Variants in SAR1A observed in about 807,000 individuals in gnomAD.
The protein encoded by SAR1A is secretion associated Ras related GTPase 1A.
SAR1A carries 6 observed loss-of-function variants against 22.6 expected under a neutral mutation model. The observed-to-expected ratio is 0.27, with a 90% CI of 0.15 to 0.52. SAR1A has a LOEUF of 0.52. Among genes scored for constraint, SAR1A ranks in the 20% least tolerant of loss-of-function variants. SAR1A has a pLI of 0.96. For synonymous variants in SAR1A, 70 were observed against 82.2 expected, an observed-to-expected ratio of 0.85 and a Z score of 0.80; for missense variants, 145 against 245.1, an observed-to-expected ratio of 0.59 and a Z score of 2.73.
chr10:70,157,176 G>A (rs566131920), intron 5 of SAR1A, among the ~76,000 whole-genome samples: 2 of 152,162 alleles, frequency 1.3e-5, no homozygotes, highest in African/African-American at 4.8e-5. Flanking sequence ...AGGCCAAGGC[G>A]GGTGGATCAT....
chr10:70,148,540 G>A lies in SAR1A; in HGVS notation c.*3936C>T, dbSNP rs1005945743. 2.6e-5 allele frequency: 4 copies of A among 152,214 alleles called. No individual in the cohort carries two copies. The highest frequency in any genetic ancestry group is 9.6e-5 in the African/African-American group (4 of 41,452). The allele number at this position is 152,214 out of a possible 1,614,324, so 9.4% of individuals were successfully genotyped here. On this transcript the variant is annotated 3_prime_UTR_variant, in exon 7 of 7. Transcript: ENST00000373241. The stretch of plus-strand genomic sequence containing the variant: ...ACAGGGGCTCACACTTGGAATCCCA[G>A]CACGTTGGGAGGCTGAGGTAGGAGA...
chr10:70,165,292 T>C (rs1281235759), intron 1 of SAR1A, among the ~76,000 whole-genome samples: 2 of 148,960 alleles, frequency 1.3e-5, no homozygotes, highest in Admixed American at 6.7e-5. Flanking sequence ...AAAAGAAATA[T>C]ATTTCACAAA....
intron 4 of SAR1A, among the ~76,000 whole-genome samples, chr10:70,158,313 T>C (rs1293602396): frequency 6.6e-6 from 1 of 152,226 alleles, no homozygotes; most frequent in Non-Finnish European, 1.5e-5. Context: ...AACATCAGGA[T>C]ACAAATTACT....
At chr10:70,169,018 G>A (rs1039987848) in intron 1 of SAR1A, among the ~76,000 whole-genome samples, 1 of 152,112 alleles carries the variant, frequency 6.6e-6, no homozygotes, top group African/African-American at 2.4e-5. Context: ...CAACTCATCA[G>A]TAGTTTTACA....
intron 1 of SAR1A, among the ~76,000 whole-genome samples, chr10:70,162,394 AAAAGGAAAG>A: frequency 7.0e-6 from 1 of 142,784 alleles, no homozygotes; most frequent in Non-Finnish European, 1.5e-5. Flanking sequence ...AGGGAAAGGG[AAAAGGAAAG>A]GGAAAGGGAA....
chr10:70,159,599 TG>T (rs1378751808), intron 4 of SAR1A, among the ~76,000 whole-genome samples: 1 of 152,114 alleles, frequency 6.6e-6, no homozygotes, highest in Non-Finnish European at 1.5e-5. Context: ...ATTGTGCCAC[TG>T]CACTCCAGCC....
intron 1 of SAR1A, among the ~76,000 whole-genome samples, chr10:70,169,938 T>C (rs1012646789): frequency 2.6e-5 from 4 of 152,114 alleles, no homozygotes; most frequent in African/African-American, 9.7e-5. Flanking sequence ...AAGCGCTGAC[T>C]TGGGGGTAAG....
At position 70,147,873 on chromosome 10, in the gene SAR1A, T is replaced by A. The variant is rs1368510478; in HGVS notation, c.*4603A>T. ...CTGAATTGATAAAATACACATTATT[T>A]TTTATTTATTTATTTATTTTTTTGA... On this transcript the variant is annotated 3_prime_UTR_variant, in exon 7 of 7. Transcript: ENST00000373241. The A allele has an allele frequency of 4.6e-5, 7 of 152,244 alleles. No homozygotes were observed. Among genetic ancestry groups the A allele is most frequent in the Non-Finnish European group, 7.3e-5 (5 of 68,056 alleles). 9.4% of individuals were successfully genotyped at this position (152,244 alleles called of 1,614,324 possible).
chr10:70,158,043 A>G (rs1464339412), intron 4 of SAR1A, among the ~76,000 whole-genome samples, 176 bp from the exon 5 acceptor site: 1 of 152,230 alleles, frequency 6.6e-6, no homozygotes, highest in East Asian at 1.9e-4. Flanking sequence ...CTGATGGTCC[A>G]TGAGCTGAAC....
At chr10:70,168,673 T>C (rs903192657) in intron 1 of SAR1A, among the ~76,000 whole-genome samples, 1 of 152,086 alleles carries the variant, frequency 6.6e-6, no homozygotes, top group Non-Finnish European at 1.5e-5. Flanking sequence ...TGAAAACCAG[T>C]GTAGTACAAA....
At chr10:70,157,154 C>T (rs766052364) in intron 5 of SAR1A, among the ~76,000 whole-genome samples, 30 of 152,252 alleles carry the variant, frequency 2.0e-4, no homozygotes, top group Non-Finnish European at 3.8e-4. Flanking sequence ...CCTGTAATCC[C>T]AGCACTTTGG....
At chr10:70,153,994 A>T in intron 5 of SAR1A, 25 bp from the exon 6 acceptor site, 1 of 1,529,374 alleles carries the variant, frequency 6.5e-7, no homozygotes, top group Admixed American at 2.2e-5. Context: ...AAAAGAAAAA[A>T]AGAAAAAAAA....
rs567319381 is a variant in SAR1A at position 70,162,655 on chromosome 10, T to C, written c.-16-724A>G. ...CCTAATAGTTTTTGATCTATGATAC[T>C]CAGAGAACTAGGAGTTAAAAATATA... is the stretch of plus-strand genomic sequence containing the variant. On this transcript the variant is annotated intron_variant, in intron 1 of 6. Transcript: ENST00000373241. 3.9e-5 allele frequency: 6 copies of C among 152,292 alleles called. 2 individuals carry two copies. Among genetic ancestry groups the C allele is most frequent in the African/African-American group, 1.4e-4 (6 of 41,566 alleles). The allele number at this position is 152,292 out of a possible 1,614,324, so 9.4% of individuals were successfully genotyped here. A position where few individuals can be genotyped will look rare whatever the true frequency, so the allele number is the denominator to read the frequency against.
At chr10:70,168,096 A>G (rs1465055847) in intron 1 of SAR1A, among the ~76,000 whole-genome samples, 3 of 152,174 alleles carry the variant, frequency 2.0e-5, no homozygotes, top group Admixed American at 6.5e-5. Context: ...ACCCCTCATT[A>G]AGGTCATTCC....
chr10:70,161,513 T>C, intron 3 of SAR1A, 106 bp downstream of exon 3: 1 of 1,393,834 alleles, frequency 7.2e-7, no homozygotes, highest in Non-Finnish European at 9.8e-7. Flanking sequence ...TGAGTTGGCT[T>C]TTGGGACTTC....
rs574558062 is a variant in SAR1A at position 70,152,700 on chromosome 10, T to G, written c.481-108A>C. On this transcript the variant is annotated intron_variant, in intron 6 of 6. Coordinates refer to ENST00000373241, the MANE Select transcript of SAR1A (RefSeq NM_020150.5). The stretch of plus-strand genomic sequence containing the variant: ...TCCATTCCTTAAAAGCAAACCTAAG[T>G]AGGTATTAATTACAGAAATGTGGTC... The G allele has an allele frequency of 1.3e-3, 1,041 of 792,074 alleles. 2 individuals carry two copies. The highest frequency in any genetic ancestry group is 1.8e-3 in the Non-Finnish European group (858 of 463,836). The allele number at this position is 792,074 out of a possible 1,614,324, so 49.1% of individuals were successfully genotyped here.
chr10:70,161,420 T>G (rs1429233569), intron 3 of SAR1A, 199 bp downstream of exon 3: 2 of 623,784 alleles, frequency 3.2e-6, no homozygotes, highest in Non-Finnish European at 5.5e-6. Flanking sequence ...ACAGGACCAG[T>G]GACAACAGAT....
intron 1 of SAR1A, chr10:70,163,982 T>C (rs916601715): frequency 8.3e-7 from 1 of 1,197,884 alleles, no homozygotes; most frequent in African/African-American, 1.5e-5. Context: ...GCAATGGCTA[T>C]ATTAGTGGTG....
chr10:70,152,325 T>C lies in SAR1A; in HGVS notation c.*151A>G, dbSNP rs780029863. 2.2e-6 allele frequency: 2 copies of C among 891,300 alleles called. No individual in the cohort carries two copies. The highest frequency in any genetic ancestry group is 3.6e-6 in the Non-Finnish European group (2 of 562,898). The allele number at this position is 891,300 out of a possible 1,614,324, so 55.2% of individuals were successfully genotyped here. A position where few individuals can be genotyped will look rare whatever the true frequency, so the allele number is the denominator to read the frequency against. On this transcript the variant is annotated 3_prime_UTR_variant, in exon 7 of 7. Transcript: ENST00000373241. ...TGTGGAGAAGAGCACATGTCACCAC[T>C]GGGCAATGAGAGAGTTGACAGAGAC...
Sources: gnomAD v4.1 joint callset for allele counts (sites outside exome capture counted in the v4.1 genomes callset) on GRCh38, gnomAD v4.1.1 for gene constraint, MANE v1.5 for transcripts, NCBI Gene and HGNC (gene_info 2026-07-23, HGNC 2026-07-21) for gene names.